Variants in C1GALT1 observed in about 807,000 individuals in gnomAD.
C1GALT1 encodes the protein glycoprotein-N-acetylgalactosamine 3-beta-galactosyltransferase 1.
Under a neutral mutation model 31.0 loss-of-function variants are expected in C1GALT1, and 11 were observed. The ratio of observed to expected loss-of-function variants is 0.36; its 90% CI spans 0.22 to 0.59. C1GALT1 has a LOEUF of 0.59. C1GALT1 is among the 20% of genes least tolerant of loss of function. The pLI is 0.79. For synonymous variants in C1GALT1, 175 were observed against 143.6 expected (o/e 1.22, Z -1.56); for missense variants, 424 against 425.2 (o/e 1.00, Z 0.03).
chr7:7,214,968 C>T (rs575993149), intron 1 of C1GALT1, among the ~76,000 whole-genome samples: 2 of 152,200 alleles, frequency 1.3e-5, no homozygotes, highest in Admixed American at 1.3e-4. Context: ...TTTTGTAAAC[C>T]CTGCCTCTGA....
At position 7,236,805 on chromosome 7, in the gene C1GALT1, T is replaced by C. The variant is rs1262548184; in HGVS notation, c.221-1450T>C. Among the ~76,000 whole-genome samples the C allele has an allele frequency of 2.6e-5, 4 of 152,304 alleles. No homozygotes were observed. The South Asian group carries it at 8.3e-4, about 32-fold the overall frequency. On this transcript the variant is annotated intron_variant, in intron 2 of 3. Transcript: ENST00000436587. ...TCCCAAAGTGCTGGGATTACAGGCC[T>C]GAGCCACTGTGCCCAGCTGGGACAT...
intron 2 of C1GALT1, among the ~76,000 whole-genome samples, chr7:7,177,451 T>C (rs1039598422): frequency 2.0e-5 from 3 of 152,208 alleles, no homozygotes; most frequent in African/African-American, 4.8e-5. Flanking sequence ...GTTATATATA[T>C]GTTTGTTATT....
chr7:7,236,653 C>G (rs972703514), intron 2 of C1GALT1, among the ~76,000 whole-genome samples: 6 of 152,024 alleles, frequency 3.9e-5, no homozygotes, highest in African/African-American at 1.2e-4. Context: ...TCCCGAGTAG[C>G]TGGGATTACA....
intron 1 of C1GALT1, among the ~76,000 whole-genome samples, chr7:7,233,344 A>C (rs1011264485): frequency 6.6e-6 from 1 of 151,970 alleles, no homozygotes; most frequent in Non-Finnish European, 1.5e-5. Context: ...GCACACTGCA[A>C]CCTCCGCCTT....
rs557528617 is a variant in C1GALT1 at position 7,242,835 on chromosome 7, T to C, written c.889-689T>C. Among the ~76,000 whole-genome samples the C allele has an allele frequency of 6.1e-4, 93 of 152,238 alleles. 2 individuals are homozygous for C. The South Asian group carries it at 0.012, about 19-fold the overall frequency. On this transcript the variant is annotated intron_variant, in intron 3 of 3. Coordinates refer to ENST00000436587, the MANE Select transcript of C1GALT1 (RefSeq NM_020156.5). Reference sequence around the variant, plus strand: ...CCACCTGATATGATTTTTCAGTCAATAATAGCTAACATTTATTGGGCATTT... The same window carrying C: ...CCACCTGATATGATTTTTCAGTCAACAATAGCTAACATTTATTGGGCATTT...
intron 2 of C1GALT1, among the ~76,000 whole-genome samples, chr7:7,171,195 A>C (rs1395559223): frequency 2.0e-5 from 3 of 152,158 alleles, no homozygotes; most frequent in African/African-American, 7.2e-5. Context: ...TTTTGAAAGT[A>C]AGTATTGGAG....
intron 1 of C1GALT1, among the ~76,000 whole-genome samples, chr7:7,196,435 T>A (rs907037144): frequency 6.6e-6 from 1 of 152,188 alleles, no homozygotes; most frequent in Non-Finnish European, 1.5e-5. Flanking sequence ...GGTGTGTATG[T>A]ACCACATTTT....
intron 1 of C1GALT1, among the ~76,000 whole-genome samples, chr7:7,194,176 G>A (rs935220515): frequency 1.3e-5 from 2 of 151,952 alleles, no homozygotes; most frequent in Admixed American, 6.6e-5. Flanking sequence ...TCCTTGTCTT[G>A]TCTGATCCCT....
chr7:7,178,318 G>T, upstream of C1GALT1: 1 of 229,130 alleles, frequency 4.4e-6, no homozygotes, highest in South Asian at 7.9e-5. Context: ...CTATGCATCA[G>T]ACTGGTCATT....
chr7:7,239,330 G>T (rs910910197), intron 3 of C1GALT1, among the ~76,000 whole-genome samples: 13 of 152,188 alleles, frequency 8.5e-5, no homozygotes, highest in Admixed American at 7.2e-4. Context: ...GGAGTCCTCT[G>T]GTTTGGGTGA....
At chr7:7,235,369 A>AATGGTGAGATTT (rs1783288614) in intron 2 of C1GALT1, 1 of 152,180 alleles carries the variant, frequency 6.6e-6, no homozygotes, top group Non-Finnish European at 1.5e-5. Context: ...GCAGAGGTTG[A>AATGGTGAGATTT]ATGGTGAGAT....
intron 2 of C1GALT1, among the ~76,000 whole-genome samples, chr7:7,168,202 A>G (rs1244751947): frequency 6.6e-6 from 1 of 152,222 alleles, no homozygotes; most frequent in Non-Finnish European, 1.5e-5. Flanking sequence ...TTGGAAATTT[A>G]GAAAAGATGC....
At chr7:7,207,216 A>G (rs901112551) in intron 1 of C1GALT1, among the ~76,000 whole-genome samples, 2 of 151,430 alleles carry the variant, frequency 1.3e-5, no homozygotes, top group African/African-American at 4.9e-5. Context: ...CTTCCTGTCT[A>G]GATCTGCCTT....
At chr7:7,163,628 C>CA (rs1439265270) in intron 2 of C1GALT1, among the ~76,000 whole-genome samples, 3,285 of 152,178 alleles carry the variant, frequency 0.022, 111 homozygotes, top group African/African-American at 0.075. Context: ...TCTCAGGATA[C>CA]AAAATCCATG....
At chr7:7,158,388 G>T (rs982481259) in intron 2 of C1GALT1, among the ~76,000 whole-genome samples, 2 of 152,082 alleles carry the variant, frequency 1.3e-5, no homozygotes, top group Non-Finnish European at 1.5e-5. Flanking sequence ...AAGTCTCCAA[G>T]AAGGCATTGG....
chr7:7,189,591 TTTA>T (rs1170376257), intron 1 of C1GALT1, among the ~76,000 whole-genome samples: 2 of 152,180 alleles, frequency 1.3e-5, no homozygotes, highest in African/African-American at 4.8e-5. Flanking sequence ...AACTATCTTT[TTTA>T]TTATTTATGA....
At chr7:7,176,309 A>T (rs1780505876) in intron 2 of C1GALT1, among the ~76,000 whole-genome samples, 1 of 152,250 alleles carries the variant, frequency 6.6e-6, no homozygotes, top group African/African-American at 2.4e-5. Context: ...ATGCCACATT[A>T]TGCAGCTACA....
Position 7,168,990 on chromosome 7 carries a change from C to T in C1GALT1, c.-18+11564C>T, listed in dbSNP as rs913615669. On this transcript the variant is annotated intron_variant, in intron 2 of 3. Coordinates refer to the C1GALT1 transcript ENST00000429911. ...TCTGTTAATGAAGCTTTTCCAGCAC[C>T]CAAAACAAATTCAATAACCATTAAG... Among the ~76,000 whole-genome samples, 9 of 152,092 alleles carry T rather than the reference C, an allele frequency of 5.9e-5. No homozygotes were observed. In the South Asian group the frequency reaches 1.9e-3, roughly 31 times the overall value.
At position 7,246,027 on chromosome 7, in the gene C1GALT1, T is replaced by G. The variant is rs1286608278; in HGVS notation, c.*2300T>G. ...AAGATTGTATTATTATTCTGTTACC[T>G]TGGAGTGTAAGTACTGCATTTAAGT... On this transcript the variant is annotated 3_prime_UTR_variant, in exon 4 of 4. Transcript: ENST00000436587. 2.6e-5 allele frequency: 4 copies of G among 152,216 alleles called. No individual in the cohort carries two copies. Among genetic ancestry groups the G allele is most frequent in the Non-Finnish European group, 5.9e-5 (4 of 68,028 alleles). 9.4% of individuals were successfully genotyped at this position (152,216 alleles called of 1,614,324 possible). A position where few individuals can be genotyped will look rare whatever the true frequency, so the allele number is the denominator to read the frequency against.
Sources: allele counts gnomAD v4.1 joint callset (sites outside exome capture counted in the v4.1 genomes callset), GRCh38; gene constraint gnomAD v4.1.1; transcripts MANE v1.5; gene names NCBI Gene and HGNC (gene_info 2026-07-23, HGNC 2026-07-21).